The following ZC3H12B variants were observed in gnomAD, a reference collection of about 807,000 sequenced individuals.
The protein encoded by ZC3H12B is zinc finger CCCH-type containing 12B, also known as probable ribonuclease ZC3H12B.
Under a neutral mutation model 43.9 loss-of-function variants are expected in ZC3H12B, and 7 were observed. That is an observed-to-expected ratio of 0.16 (90% CI 0.09 to 0.30). The LOEUF is 0.30. ZC3H12B is among the 10% of genes least tolerant of loss of function. ZC3H12B has a pLI of 1.00. For missense variants in ZC3H12B, 475 were observed against 670.2 expected (o/e 0.71, Z 3.22); for synonymous variants, 222 against 241.7 (o/e 0.92, Z 0.76).
the ZC3H12B span, among the ~76,000 whole-genome samples, chrX:65,154,146 G>C: frequency 9.0e-6 from 1 of 110,775 alleles, no homozygotes; most frequent in Non-Finnish European, 1.9e-5. Context: ...CGAGTTAATG[G>C]GTTCAGCACA....
chrX:65,144,683 C>A, the ZC3H12B span, among the ~76,000 whole-genome samples: 1 of 111,380 alleles, frequency 9.0e-6, no homozygotes, highest in African/African-American at 3.3e-5. Flanking sequence ...TATGGTCATT[C>A]AGTTGAAGAA....
chrX:65,214,816 C>T, the ZC3H12B span, among the ~76,000 whole-genome samples: 1 of 111,667 alleles, frequency 9.0e-6, no homozygotes, highest in Non-Finnish European at 1.9e-5. Context: ...GAATCACTGT[C>T]TCTGACAGCT....
chrX:65,440,396 A>G (rs1025559562), intron 3 of ZC3H12B, among the ~76,000 whole-genome samples: 1 of 112,387 alleles, frequency 8.9e-6, no homozygotes, highest in Non-Finnish European at 1.9e-5. Context: ...ACCATGTATG[A>G]AGAATCAGAA....
chrX:65,201,339 G>C, the ZC3H12B span, among the ~76,000 whole-genome samples: 1 of 111,617 alleles, frequency 9.0e-6, no homozygotes, highest in Non-Finnish European at 1.9e-5. Flanking sequence ...TGTGTATAGA[G>C]ATGTCTATAA....
the ZC3H12B span, among the ~76,000 whole-genome samples, chrX:65,224,584 G>A: frequency 2.7e-5 from 3 of 112,584 alleles, no homozygotes; most frequent in East Asian, 8.4e-4. Flanking sequence ...TGCCTCACTC[G>A]GGAAGCACAA....
chrX:65,104,253 T>C, the ZC3H12B span, among the ~76,000 whole-genome samples: 4 of 111,996 alleles, frequency 3.6e-5, no homozygotes, highest in Non-Finnish European at 7.5e-5. Context: ...CCTTACACCT[T>C]ATGCAAAAAT....
intron 3 of ZC3H12B, among the ~76,000 whole-genome samples, chrX:65,443,969 G>T (rs2067340811): frequency 1.8e-5 from 2 of 112,276 alleles, no homozygotes; most frequent in African/African-American, 6.5e-5. Context: ...GCCACTCTAT[G>T]TATGTTGATT....
chrX:65,087,372 G>A, the ZC3H12B span, among the ~76,000 whole-genome samples: 1 of 112,220 alleles, frequency 8.9e-6, no homozygotes, highest in Admixed American at 9.4e-5. Flanking sequence ...AACTAAAGTT[G>A]GCAGTTTCCC....
chrX:65,188,128 T>A, the ZC3H12B span, among the ~76,000 whole-genome samples: 2 of 111,776 alleles, frequency 1.8e-5, no homozygotes, highest in Non-Finnish European at 3.8e-5. Context: ...TTGTTGCAGA[T>A]GATAAGATCT....
the ZC3H12B span, among the ~76,000 whole-genome samples, chrX:65,154,097 G>A: frequency 1.8e-5 from 2 of 110,875 alleles, no homozygotes; most frequent in Admixed American, 9.6e-5. Flanking sequence ...GGAGGAGGGG[G>A]CAGGGATAAC....
chrX:65,086,560 T>G, the ZC3H12B span, among the ~76,000 whole-genome samples: 3 of 111,078 alleles, frequency 2.7e-5, no homozygotes, highest in East Asian at 8.5e-4. Flanking sequence ...CTTTAGGAGG[T>G]TATTAGGTTA....
At chrX:65,373,897 A>ATATATATATATATATATATATATAC (rs1215963583) in intron 2 of ZC3H12B, among the ~76,000 whole-genome samples, 1 of 27,348 alleles carries the variant, frequency 3.7e-5, no homozygotes, top group Non-Finnish European at 5.7e-5. Flanking sequence ...GTATAGTAAT[A>ATATATATATATATATATATATATAC]TATATATATA....
At chrX:65,056,066 G>T in the ZC3H12B span, among the ~76,000 whole-genome samples, 2 of 111,617 alleles carry the variant, frequency 1.8e-5, no homozygotes, top group African/African-American at 3.3e-5. Flanking sequence ...TTTTTTGAAG[G>T]TTTTTTCTGT....
At chrX:65,315,487 A>G in the ZC3H12B span, among the ~76,000 whole-genome samples, 2 of 111,372 alleles carry the variant, frequency 1.8e-5, no homozygotes, top group African/African-American at 6.5e-5. Context: ...GGTGCCAGAG[A>G]AAAAAGCCAG....
chrX:65,458,057 A>G (rs2067657270), intron 3 of ZC3H12B, among the ~76,000 whole-genome samples: 1 of 64,873 alleles, frequency 1.5e-5, no homozygotes, highest in South Asian at 8.2e-4. Flanking sequence ...CCCAAGAATG[A>G]TCAATAAAAA....
intron 3 of ZC3H12B, among the ~76,000 whole-genome samples, chrX:65,426,337 C>A (rs1427213417): frequency 1.1e-5 from 1 of 90,700 alleles, no homozygotes; most frequent in Non-Finnish European, 2.1e-5. Context: ...TTTGATTCTT[C>A]TCTTTTCTTC....
the ZC3H12B span, among the ~76,000 whole-genome samples, chrX:65,292,078 G>A: frequency 8.9e-6 from 1 of 111,781 alleles, no homozygotes; most frequent in Non-Finnish European, 1.9e-5. Flanking sequence ...TATTACATAT[G>A]AAGACTTTAA....
chrX:65,121,627 G>T, the ZC3H12B span, among the ~76,000 whole-genome samples: 1 of 111,112 alleles, frequency 9.0e-6, no homozygotes, highest in African/African-American at 3.3e-5. Context: ...ATTTTTTGAA[G>T]GGTTTTTGTG....
chrX:65,240,055 G>A, the ZC3H12B span, among the ~76,000 whole-genome samples: 8 of 110,578 alleles, frequency 7.2e-5, no homozygotes, highest in Middle Eastern at 9.1e-3. Flanking sequence ...TGTGTCTTGG[G>A]GTTGATTTTC....
Sources: gnomAD v4.1 joint callset for allele counts (sites outside exome capture counted in the v4.1 genomes callset) on GRCh38, gnomAD v4.1.1 for gene constraint, MANE v1.5 for transcripts, NCBI Gene and HGNC (gene_info 2026-07-23, HGNC 2026-07-21) for gene names.